The following SNIP1 variants were observed in gnomAD, a reference collection of about 807,000 sequenced individuals.
SNIP1 encodes the protein smad nuclear-interacting protein 1.
SNIP1 carries 23 observed loss-of-function variants against 37.4 expected under a neutral mutation model. The ratio of observed to expected loss-of-function variants is 0.61; its 90% confidence interval spans 0.44 to 0.87. The LOEUF (loss-of-function observed/expected upper bound fraction) is 0.87, where lower values mean the gene tolerates loss of function less well. Among genes scored for constraint, SNIP1 ranks in the 40% least tolerant of loss-of-function variants. The pLI is 0.00. For missense variants in SNIP1, 459 were observed against 540.4 expected (o/e 0.85, Z 1.49); for synonymous variants, 174 against 200.0 (o/e 0.87, Z 1.10).
chr1:37,543,072 G>T (rs200857945), intron 2 of SNIP1, among the ~76,000 whole-genome samples: 1 of 138,340 alleles, frequency 7.2e-6, no homozygotes, highest in African/African-American at 2.7e-5. Flanking sequence ...AAAAAAAAAA[G>T]AATTACATGT....
rs1643158067 is a variant in SNIP1, at chr1:37,540,318, G to C, written c.765C>G (p.Pro255=). The change falls in exon 3 of 4, where the codon CCC becomes CCG. Residue 255 remains proline (P), a synonymous_variant. Coordinates refer to ENST00000296215, the MANE Select transcript of SNIP1 (RefSeq NM_024700.4). The surrounding 1 kb of genome is among the most constrained non-coding windows in gnomAD (Gnocchi z 5.6). The part of the protein sequence containing the change: ...KYSEPPEARI[P]KKRWRLYPFK... ...ATGGGTAGAGACGCCACCGTTTTTT[G>C]GGGATACGTGCTTCTGGGGGCTCAC... 6.2e-7 allele frequency: 1 copy of C among 1,613,890 alleles called. No individual in the cohort carries two copies. Among genetic ancestry groups the C allele is most frequent in the Admixed American group, 1.7e-5 (1 of 59,968 alleles).
chr1:37,544,402 C>T (rs1270894997), intron 2 of SNIP1, among the ~76,000 whole-genome samples: 1 of 145,936 alleles, frequency 6.9e-6, no homozygotes, highest in East Asian at 2.0e-4. Context: ...GCCGAGATCA[C>T]GCCACTGCAC....
intron 2 of SNIP1, among the ~76,000 whole-genome samples, chr1:37,550,811 C>T (rs1016980557): frequency 6.6e-6 from 1 of 151,844 alleles, no homozygotes; most frequent in Non-Finnish European, 1.5e-5. Flanking sequence ...AAAAGACGTC[C>T]AAGGCCAGGT....
chr1:37,544,185 G>A (rs1164253749), intron 2 of SNIP1, among the ~76,000 whole-genome samples: 4 of 151,366 alleles, frequency 2.6e-5, no homozygotes, highest in African/African-American at 7.3e-5. Context: ...AGTGGCTCAC[G>A]CCTGCAATCC....
At chr1:37,545,483 A>C (rs1376205602) in intron 2 of SNIP1, among the ~76,000 whole-genome samples, 1 of 151,840 alleles carries the variant, frequency 6.6e-6, no homozygotes, top group African/African-American at 2.4e-5. Context: ...AAAAAAAAAA[A>C]AAACAAAGAA....
intron 3 of SNIP1, among the ~76,000 whole-genome samples, chr1:37,538,649 A>C (rs917397389): frequency 2.0e-5 from 3 of 152,102 alleles, no homozygotes; most frequent in African/African-American, 7.2e-5. Context: ...GTTTATAATC[A>C]ACATAATGTT....
intron 2 of SNIP1, among the ~76,000 whole-genome samples, chr1:37,547,838 C>G (rs911817740): frequency 1.3e-5 from 2 of 151,068 alleles, no homozygotes; most frequent in African/African-American, 4.9e-5. Flanking sequence ...TTCCAGGATC[C>G]CCAGTGGATA....
rs1033944389 is a variant in SNIP1, at chr1:37,543,908, A to G, written c.328-3153T>C. 1.4e-4 allele frequency among the ~76,000 whole-genome samples: 21 copies of G among 148,928 alleles called. No homozygotes were observed. The East Asian group carries it at 2.0e-3, about 14-fold the overall frequency. On this transcript the variant is annotated intron_variant, in intron 2 of 3. Transcript: ENST00000296215. ...GTAATCCCAGCACTTTGGGAGGGCA[A>G]GGGGGGGGGCAGGTCACTTGAGGTC...
At chr1:37,548,763 C>T (rs890041257) in intron 2 of SNIP1, 3 of 148,446 alleles carry the variant, frequency 2.0e-5, no homozygotes, top group Non-Finnish European at 4.5e-5. Flanking sequence ...AAAAAAAAGA[C>T]GACTGAATTC....
Position 37,535,253 on chromosome 1 carries a change from T to C in SNIP1, c.*2495A>G. The C allele has an allele frequency of 7.4e-6, 1 of 135,460 alleles. No individual in the cohort carries two copies. Among genetic ancestry groups the C allele is most frequent in the Non-Finnish European group, 1.6e-5 (1 of 61,672 alleles). The allele number at this position is 135,460 out of a possible 1,614,324, so 8.4% of individuals were successfully genotyped here. ...AATTATATATATAAATTAGCCAGGC[T>C]TGGTGACAGGTGCCTGTAGTCCCAG... On this transcript the variant is annotated 3_prime_UTR_variant, in exon 4 of 4. Coordinates refer to ENST00000296215, the MANE Select transcript of SNIP1 (RefSeq NM_024700.4).
Position 37,554,202 on chromosome 1 carries a change from G to A in SNIP1, c.28C>T (p.Arg10Ter). The change falls in exon 1 of 4, where the codon CGA becomes TGA. Residue 10 changes from arginine (R) to a stop codon, truncating the protein, a stop_gained. Coordinates refer to ENST00000296215, the MANE Select transcript of SNIP1 (RefSeq NM_024700.4). LOFTEE classifies it high-confidence loss of function. MKAVKSERERGSRRRHRDGD... is the reference protein window; with the variant it reads MKAVKSERE ...TCCCGGTGTCTTCGCCGGCTCCCTC[G>A]CTCCCGTTCGCTCTTCACCGCCTTC... 1 of 1,607,136 alleles carries A rather than the reference G, an allele frequency of 6.2e-7. No homozygotes were observed. Among genetic ancestry groups the A allele is most frequent in the Non-Finnish European group, 8.5e-7 (1 of 1,176,254 alleles).
At position 37,534,476 on chromosome 1, in the gene SNIP1, G is replaced by A. The variant is rs1643060825; in HGVS notation, c.*3272C>T. On this transcript the variant is annotated 3_prime_UTR_variant, in exon 4 of 4. Coordinates refer to ENST00000296215, the MANE Select transcript of SNIP1 (RefSeq NM_024700.4). ...AAGCTTTACATTCCAAAACTTTAAT[G>A]TCAATTAAGCAGCCTTTTCACTTGA... 6.6e-6 allele frequency: 1 copy of A among 152,162 alleles called. No homozygotes were observed. Among genetic ancestry groups the A allele is most frequent in the African/African-American group, 2.4e-5 (1 of 41,426 alleles). The allele number at this position is 152,162 out of a possible 1,614,324, so 9.4% of individuals were successfully genotyped here. A position where few individuals can be genotyped will look rare whatever the true frequency, so the allele number is the denominator to read the frequency against.
chr1:37,539,366 G>T (rs1195168216), intron 3 of SNIP1, among the ~76,000 whole-genome samples: 1 of 152,102 alleles, frequency 6.6e-6, no homozygotes, highest in African/African-American at 2.4e-5. Flanking sequence ...TCTGTCAAAT[G>T]GGGATACAAA....
At chr1:37,553,535 G>A (rs1643327059) in intron 1 of SNIP1, among the ~76,000 whole-genome samples, 1 of 152,102 alleles carries the variant, frequency 6.6e-6, no homozygotes, top group Non-Finnish European at 1.5e-5. Context: ...TAGGCACTCA[G>A]TAAAACTATG....
Position 37,540,100 on chromosome 1 carries a change from T to C in SNIP1, c.926+57A>G. On this transcript the variant is annotated intron_variant, in intron 3 of 3. Coordinates refer to ENST00000296215, the MANE Select transcript of SNIP1 (RefSeq NM_024700.4). The surrounding 1 kb of genome is among the most constrained non-coding windows in gnomAD (Gnocchi z 5.6). ...TAAACATGAACAAAAATCTTAGTAA[T>C]CCTAACTGAGTGATTGTTTCTGCTC... The C allele has an allele frequency of 6.9e-7, 1 of 1,449,774 alleles. No homozygotes were observed. Among genetic ancestry groups the C allele is most frequent in the Non-Finnish European group, 9.4e-7 (1 of 1,069,354 alleles). The allele number at this position is 1,449,774 out of a possible 1,614,324, so 89.8% of individuals were successfully genotyped here.
chr1:37,545,059 T>A, intron 2 of SNIP1: 1 of 751,228 alleles, frequency 1.3e-6, no homozygotes, highest in Non-Finnish European at 2.4e-6. Flanking sequence ...CGATGGAGCA[T>A]GCATTACATT....
rs1204703300 is a variant in SNIP1 at position 37,540,944 on chromosome 1, T to C, written c.328-189A>G. 4 of 563,980 alleles carry C rather than the reference T, an allele frequency of 7.1e-6. No homozygotes were observed. The highest frequency in any genetic ancestry group is 1.9e-5 in the African/African-American group (1 of 53,548). The allele number at this position is 563,980 out of a possible 1,614,324, so 34.9% of individuals were successfully genotyped here. A position where few individuals can be genotyped will look rare whatever the true frequency, so the allele number is the denominator to read the frequency against. ...TTCCCTCGCAAGGCCACAAAGATGA[T>C]ATCCCATGCTGCTATTCAACTATAG... is the stretch of plus-strand genomic sequence containing the variant. On this transcript the variant is annotated intron_variant, in intron 2 of 3. Coordinates refer to ENST00000296215, the MANE Select transcript of SNIP1 (RefSeq NM_024700.4). The surrounding 1 kb of genome is among the most constrained non-coding windows in gnomAD (Gnocchi z 5.6).
chr1:37,548,056 G>A (rs952072621), intron 2 of SNIP1, among the ~76,000 whole-genome samples: 1 of 149,790 alleles, frequency 6.7e-6, no homozygotes, highest in African/African-American at 2.5e-5. Flanking sequence ...GGAGGCTGAG[G>A]CAGGAGAATG....
At chr1:37,548,246 C>T (rs532167202) in intron 2 of SNIP1, among the ~76,000 whole-genome samples, 1 of 150,638 alleles carries the variant, frequency 6.6e-6, no homozygotes, top group East Asian at 2.0e-4. Flanking sequence ...TAAATCATCA[C>T]TAGGTTATTT....
Sources: gnomAD v4.1 joint callset for allele counts (sites outside exome capture counted in the v4.1 genomes callset) on GRCh38, gnomAD v4.1.1 for gene constraint, Gnocchi (gnomAD v3.1) non-coding constraint, MANE v1.5 for transcripts, NCBI Gene and HGNC (gene_info 2026-07-23, HGNC 2026-07-21) for gene names.